Variants in KHDRBS2 observed in about 807,000 individuals in gnomAD.
The protein encoded by KHDRBS2 is KH domain-containing, RNA-binding, signal transduction-associated protein 2.
Under a neutral mutation model 44.3 loss-of-function variants are expected in KHDRBS2, and 26 were observed. The observed-to-expected ratio is 0.59, with a 90% CI of 0.43 to 0.81. The LOEUF is 0.81. Ranked by LOEUF, KHDRBS2 falls within the 40% of genes least tolerant of loss-of-function variation. The pLI is 0.00. For synonymous variants in KHDRBS2, 194 were observed against 151.1 expected, an observed-to-expected ratio of 1.28 and a Z score of -2.08; for missense variants, 476 against 433.1, an observed-to-expected ratio of 1.10 and a Z score of -0.88.
At chr6:61,854,838 A>G (rs1583182623) in intron 6 of KHDRBS2, among the ~76,000 whole-genome samples, 1 of 152,188 alleles carries the variant, frequency 6.6e-6, no homozygotes, top group African/African-American at 2.4e-5. Flanking sequence ...ATCTTAGAGA[A>G]AGTTGAATGA....
chr6:62,140,055 T>A lies in KHDRBS2; in HGVS notation c.219+37130A>T, dbSNP rs1378350334. On this transcript the variant is annotated intron_variant, in intron 2 of 8. Transcript: ENST00000281156. ...TAACCTAAACCCTATGGTTTATTAATCTTATTCCATGATTCCCAGGAAATC... is the reference window on the plus strand; with the variant it reads ...TAACCTAAACCCTATGGTTTATTAAACTTATTCCATGATTCCCAGGAAATC... 5.9e-5 allele frequency among the ~76,000 whole-genome samples: 9 copies of A among 152,342 alleles called. No homozygotes were observed. In the East Asian group the frequency reaches 1.5e-3, roughly 26 times the overall value.
At chr6:61,906,228 A>G (rs1437160122) in intron 4 of KHDRBS2, among the ~76,000 whole-genome samples, 2 of 152,224 alleles carry the variant, frequency 1.3e-5, no homozygotes, top group East Asian at 3.9e-4. Flanking sequence ...TGTGCATTAT[A>G]ATTTTTGCTA....
Position 62,285,850 on chromosome 6 carries a change from A to C in KHDRBS2, c.91+8T>G. On this transcript the variant is annotated splice_region_variant and intron_variant, in intron 1 of 8. Coordinates refer to ENST00000281156, the MANE Select transcript of KHDRBS2 (RefSeq NM_152688.4). Reference sequence around the variant, plus strand: ...CGGTTTGTGCCCATCTGTGGGGGCAAGTCCTACCTTCTGCCAAAAGGCGCG... The same window carrying C: ...CGGTTTGTGCCCATCTGTGGGGGCACGTCCTACCTTCTGCCAAAAGGCGCG... 1.2e-6 allele frequency: 2 copies of C among 1,607,202 alleles called. No individual in the cohort carries two copies. Among genetic ancestry groups the C allele is most frequent in the Non-Finnish European group, 1.7e-6 (2 of 1,175,394 alleles).
chr6:61,569,749 A>G, the KHDRBS2 span, among the ~76,000 whole-genome samples: 1 of 152,144 alleles, frequency 6.6e-6, no homozygotes, highest in African/African-American at 2.4e-5. Flanking sequence ...CTCATTACAG[A>G]ACTCTTCACA....
At chr6:61,636,793 A>G in the KHDRBS2 span, among the ~76,000 whole-genome samples, 2 of 152,094 alleles carry the variant, frequency 1.3e-5, no homozygotes, top group South Asian at 2.1e-4. Flanking sequence ...TTTTACTTCT[A>G]TATGTATGTG....
the KHDRBS2 span, among the ~76,000 whole-genome samples, chr6:61,559,149 T>A: frequency 2.4e-4 from 36 of 152,186 alleles, no homozygotes; most frequent in African/African-American, 8.0e-4. Context: ...GCTGAATTGA[T>A]TTTTTATCAT....
chr6:62,012,338 A>G (rs1312796000), intron 3 of KHDRBS2, among the ~76,000 whole-genome samples: 1 of 152,144 alleles, frequency 6.6e-6, no homozygotes, highest in African/African-American at 2.4e-5. Context: ...AGTCACTAGC[A>G]TATCTTGCTT....
At chr6:61,768,547 A>G (rs1029983683) in intron 6 of KHDRBS2, among the ~76,000 whole-genome samples, 3 of 151,388 alleles carry the variant, frequency 2.0e-5, no homozygotes, top group African/African-American at 7.3e-5. Context: ...ACTCTTTTTT[A>G]TTCCTTTTTC....
chr6:61,764,331 C>T (rs1233943728), intron 6 of KHDRBS2, among the ~76,000 whole-genome samples: 2 of 152,018 alleles, frequency 1.3e-5, no homozygotes, highest in African/African-American at 4.8e-5. Context: ...GATTATATTC[C>T]TTTGGGTATA....
chr6:61,664,900 A>G, the KHDRBS2 span, among the ~76,000 whole-genome samples: 128,654 of 151,526 alleles, frequency 0.85, 54,930 homozygotes, highest in Non-Finnish European at 0.9. Flanking sequence ...TGGTGTTACA[A>G]CACATTAAAA....
chr6:62,175,835 C>T (rs1820977699), intron 2 of KHDRBS2, among the ~76,000 whole-genome samples: 1 of 151,406 alleles, frequency 6.6e-6, no homozygotes, highest in South Asian at 2.1e-4. Flanking sequence ...CATATGGGAA[C>T]TTAAAGAGCC....
chr6:61,967,401 TGATA>T (rs66994632), intron 4 of KHDRBS2, among the ~76,000 whole-genome samples: 94,571 of 150,518 alleles, frequency 0.63, 29,585 homozygotes, highest in South Asian at 0.71. Context: ...TGAAGATAGA[TGATA>T]GATAGATAGA....
chr6:62,201,687 A>T (rs1240813115), intron 1 of KHDRBS2, among the ~76,000 whole-genome samples: 1 of 152,128 alleles, frequency 6.6e-6, no homozygotes, highest in Non-Finnish European at 1.5e-5. Context: ...AATTTGTTCC[A>T]TGACTTTAAA....
chr6:61,837,615 G>T (rs1482349487), intron 6 of KHDRBS2, among the ~76,000 whole-genome samples: 1 of 151,922 alleles, frequency 6.6e-6, no homozygotes, highest in African/African-American at 2.4e-5. Context: ...GACCACACTG[G>T]CAAAAGTAGC....
intron 5 of KHDRBS2, 56 bp from the exon 6 acceptor site, chr6:61,894,889 A>C: frequency 1.6e-6 from 2 of 1,290,154 alleles, no homozygotes; most frequent in South Asian, 2.6e-5. Context: ...AAAAGGGCCT[A>C]TCACAGAAAA....
In KHDRBS2 at chr6:62,194,359, T is replaced by A. The variant is rs1203970570; in HGVS notation, c.92-17047A>T. On this transcript the variant is annotated intron_variant, in intron 1 of 8. Transcript: ENST00000281156. Reference sequence around the variant, plus strand: ...ACATTGAATGCTCTTGAAACCCTTGTAAAAAAAACCAATTAACCATGAATG... The same window carrying A: ...ACATTGAATGCTCTTGAAACCCTTGAAAAAAAAACCAATTAACCATGAATG... Among the ~76,000 whole-genome samples, 270 of 151,544 alleles carry A rather than the reference T, an allele frequency of 1.8e-3. 2 individuals carry two copies. The highest frequency in any genetic ancestry group is 6.2e-3 in the African/African-American group (255 of 41,338).
At position 61,955,576 on chromosome 6, in the gene KHDRBS2, G is replaced by T. The variant is rs79440800; in HGVS notation, c.483+22490C>A. Among the ~76,000 whole-genome samples, 2 of 21,494 alleles carry T rather than the reference G, an allele frequency of 9.3e-5. 1 individual carries two copies. The highest frequency in any genetic ancestry group is 2.2e-4 in the Non-Finnish European group (2 of 8,932). 14.1% of individuals were successfully genotyped at this position (21,494 alleles called of 152,430 possible). On this transcript the variant is annotated intron_variant, in intron 4 of 8. Transcript: ENST00000281156. ...TATGTATACATGTGTATATATACAC[G>T]TATGTATGTATGTATACATGTGTGT...
intron 4 of KHDRBS2, among the ~76,000 whole-genome samples, chr6:61,962,727 C>A (rs774027226): frequency 3.9e-5 from 6 of 151,970 alleles, no homozygotes; most frequent in Non-Finnish European, 7.4e-5. Context: ...CGCTTTCTGA[C>A]AAAAATTATA....
chr6:62,060,196 A>G (rs1791419065), intron 2 of KHDRBS2, among the ~76,000 whole-genome samples: 1 of 151,816 alleles, frequency 6.6e-6, no homozygotes, highest in Non-Finnish European at 1.5e-5. Context: ...GATATAGAAA[A>G]AAATATTCAG....
Sources: gnomAD v4.1 joint callset for allele counts (sites outside exome capture counted in the v4.1 genomes callset) on GRCh38, gnomAD v4.1.1 for gene constraint, MANE v1.5 for transcripts, NCBI Gene and HGNC (gene_info 2026-07-23, HGNC 2026-07-21) for gene names.